Variants in ATAD1 observed in about 807,000 individuals in gnomAD.
ATAD1 encodes ATPase family AAA domain containing 1, also known as outer mitochondrial transmembrane helix translocase.
A neutral mutation model predicts 42.7 loss-of-function variants in ATAD1; 18 were observed. The ratio of observed to expected loss-of-function variants is 0.42; its 90% CI spans 0.29 to 0.63. ATAD1 has a LOEUF of 0.63. Among genes scored for constraint, ATAD1 ranks in the 20% least tolerant of loss-of-function variants. The pLI is 0.19. For missense variants in ATAD1, 294 were observed against 440.4 expected, an observed-to-expected ratio of 0.67 and a Z score of 2.98; for synonymous variants, 132 against 143.1, an observed-to-expected ratio of 0.92 and a Z score of 0.55.
chr10:87,760,758 C>CAAAACAA (rs1183681542), intron 8 of ATAD1, among the ~76,000 whole-genome samples: 5 of 151,740 alleles, frequency 3.3e-5, no homozygotes, highest in Admixed American at 3.3e-4. Flanking sequence ...AGTTCTGTCT[C>CAAAACAA]AAAACAAAAA....
chr10:87,817,671 C>A, intron 1 of ATAD1: 1 of 958,890 alleles, frequency 1.0e-6, no homozygotes, highest in Non-Finnish European at 1.2e-6. Flanking sequence ...TGAAGGCCTG[C>A]CAATCTTCAC....
intron 1 of ATAD1, among the ~76,000 whole-genome samples, chr10:87,840,841 C>G (rs912602383): frequency 1.3e-5 from 2 of 152,096 alleles, no homozygotes; most frequent in African/African-American, 4.8e-5. Context: ...CATAACATGA[C>G]ATGATAATGT....
chr10:87,785,411 A>C (rs1310122989), intron 4 of ATAD1, among the ~76,000 whole-genome samples: 1 of 149,624 alleles, frequency 6.7e-6, no homozygotes, highest in African/African-American at 2.4e-5. Flanking sequence ...TAAAATTATA[A>C]TTTTACCAAA....
At chr10:87,815,528 T>C (rs1857376829) in intron 1 of ATAD1, among the ~76,000 whole-genome samples, 1 of 151,990 alleles carries the variant, frequency 6.6e-6, no homozygotes, top group Non-Finnish European at 1.5e-5. Context: ...AGAGAATATA[T>C]ATTTGTACTT....
upstream of ATAD1, among the ~76,000 whole-genome samples, chr10:87,822,822 T>C (rs995882759): frequency 6.6e-6 from 1 of 152,070 alleles, no homozygotes; most frequent in African/African-American, 2.4e-5. Context: ...AAATGATAAA[T>C]GCTTGAGGTA....
chr10:87,807,048 G>C (rs1397658065), intron 2 of ATAD1, among the ~76,000 whole-genome samples: 5 of 151,950 alleles, frequency 3.3e-5, no homozygotes, highest in African/African-American at 7.3e-5. Context: ...CCAAACTTTT[G>C]AGTTACTCAT....
chr10:87,799,387 T>A (rs909635244), intron 2 of ATAD1, among the ~76,000 whole-genome samples: 1 of 152,236 alleles, frequency 6.6e-6, no homozygotes, highest in African/African-American at 2.4e-5. Context: ...TTATCATAAC[T>A]TCTAATCTTG....
Position 87,754,678 on chromosome 10 carries a change from T to A in ATAD1, c.*9A>T, listed in dbSNP as rs1854140783. 3.7e-6 allele frequency: 6 copies of A among 1,611,422 alleles called. No homozygotes were observed. Among genetic ancestry groups the A allele is most frequent in the Non-Finnish European group, 4.2e-6 (5 of 1,179,090 alleles). ...CTAGATCACTGAACTGTACAAATGA[T>A]CTTTACTCTTAATCTAAACAAACAT... On this transcript the variant is annotated 3_prime_UTR_variant, in exon 10 of 10. Transcript: ENST00000680024.
At chr10:87,764,705 C>CT (rs1037782092) in intron 8 of ATAD1, among the ~76,000 whole-genome samples, 104 of 152,268 alleles carry the variant, frequency 6.8e-4, no homozygotes, top group African/African-American at 2.5e-3. Context: ...CTCATCCAGT[C>CT]TCTTGATCCA....
At chr10:87,773,933 G>A (rs925708847) in intron 6 of ATAD1, among the ~76,000 whole-genome samples, 5 of 152,108 alleles carry the variant, frequency 3.3e-5, no homozygotes, top group East Asian at 3.8e-4. Context: ...TTGATAAACC[G>A]CATAGATTTA....
intron 5 of ATAD1, among the ~76,000 whole-genome samples, chr10:87,782,044 TAA>T (rs573418135): frequency 2.0e-5 from 3 of 152,146 alleles, no homozygotes; most frequent in African/African-American, 7.2e-5. Context: ...CATCCTCAGA[TAA>T]GTGGCTTAGC....
chr10:87,816,596 AG>A lies in ATAD1; in HGVS notation c.-14+1570del, dbSNP rs1857424853. Among the ~76,000 whole-genome samples, 4 of 152,300 alleles carry A rather than the reference AG, an allele frequency of 2.6e-5. No individual in the cohort carries two copies. In the Middle Eastern group the frequency reaches 0.01, roughly 391 times the overall value. On this transcript the variant is annotated intron_variant, in intron 1 of 9. Transcript: ENST00000680024. ...ATAAAGAAAGCAAAAGAAGCCAAAA[AG>A]GAGAAGGCACCTAACTGAAATCTCT...
intron 3 of ATAD1, 123 bp downstream of exon 3, chr10:87,792,534 G>A (rs150832684): frequency 3.1e-4 from 208 of 673,816 alleles, no homozygotes; most frequent in Middle Eastern, 2.7e-3. Flanking sequence ...ACTATATGCC[G>A]AGTCTTATGA....
chr10:87,828,211 T>C (rs1857763751), intron 1 of ATAD1, among the ~76,000 whole-genome samples: 1 of 152,024 alleles, frequency 6.6e-6, no homozygotes, highest in South Asian at 2.1e-4. Context: ...CATCCTCCCA[T>C]ATTGGCCTCC....
chr10:87,758,342 G>C (rs1324674830), intron 8 of ATAD1, among the ~76,000 whole-genome samples: 1 of 152,050 alleles, frequency 6.6e-6, no homozygotes, highest in Non-Finnish European at 1.5e-5. Flanking sequence ...AATAGAGGAA[G>C]GGAGAAAAAC....
At chr10:87,819,109 A>G (rs1322895186), upstream of ATAD1, 1 of 152,034 alleles carries the variant, frequency 6.6e-6, no homozygotes, top group Non-Finnish European at 1.5e-5. Context: ...TTTCTACTTG[A>G]GGCATCATCT....
upstream of ATAD1, chr10:87,818,933 G>A (rs1857559286): frequency 6.6e-6 from 1 of 152,222 alleles, no homozygotes; most frequent in Non-Finnish European, 1.5e-5. Context: ...GGTCCCAAGG[G>A]AGCAAACCTG....
chr10:87,775,700 G>A (rs1255180743), intron 6 of ATAD1, among the ~76,000 whole-genome samples: 1 of 151,928 alleles, frequency 6.6e-6, no homozygotes, highest in Admixed American at 6.6e-5. Context: ...GAGGAAAACT[G>A]AAAAATAAAG....
At chr10:87,798,572 C>T (rs1204207726) in intron 2 of ATAD1, among the ~76,000 whole-genome samples, 1 of 146,596 alleles carries the variant, frequency 6.8e-6, no homozygotes, top group Non-Finnish European at 1.5e-5. Flanking sequence ...TTTTGCAAGC[C>T]AGTGAATTTG....
Sources: allele counts gnomAD v4.1 joint callset (sites outside exome capture counted in the v4.1 genomes callset), GRCh38; gene constraint gnomAD v4.1.1; transcripts MANE v1.5; gene names NCBI Gene and HGNC (gene_info 2026-07-23, HGNC 2026-07-21).